KCNJ3: variants seen among roughly 807,000 people sequenced by gnomAD.
The protein encoded by KCNJ3 is G protein-activated inward rectifier potassium channel 1.
Under a neutral mutation model 39.2 loss-of-function variants are expected in KCNJ3, and 4 were observed. That is an observed-to-expected ratio of 0.10 (90% CI 0.05 to 0.23). KCNJ3 has a LOEUF of 0.23. KCNJ3 is among the 10% of genes least tolerant of loss of function. The probability of loss-of-function intolerance (pLI) is 1.00; values close to 1 mark genes in which losing one functional copy is unlikely to be tolerated. For missense variants in KCNJ3, 276 were observed against 634.9 expected, an observed-to-expected ratio of 0.43 and a Z score of 6.08; for synonymous variants, 230 against 237.4, an observed-to-expected ratio of 0.97 and a Z score of 0.29.
intron 2 of KCNJ3, among the ~76,000 whole-genome samples, chr2:154,792,923 A>G (rs201245425): frequency 1.3e-5 from 2 of 152,222 alleles, no homozygotes; most frequent in East Asian, 3.9e-4. Context: ...GTTTATCACA[A>G]ATCCCTAGGA....
At chr2:154,806,614 T>G (rs1218515670) in intron 2 of KCNJ3, among the ~76,000 whole-genome samples, 1 of 152,252 alleles carries the variant, frequency 6.6e-6, no homozygotes, top group East Asian at 1.9e-4. Flanking sequence ...CTAAGAGACC[T>G]GGAAGACTGC....
At chr2:154,800,196 A>G (rs1468563801) in intron 2 of KCNJ3, among the ~76,000 whole-genome samples, 6 of 152,018 alleles carry the variant, frequency 3.9e-5, no homozygotes, top group Non-Finnish European at 8.8e-5. Context: ...TAGGTTTGTG[A>G]CCTCTTTGCC....
At chr2:154,816,097 C>T (rs749423605) in intron 2 of KCNJ3, among the ~76,000 whole-genome samples, 5 of 152,028 alleles carry the variant, frequency 3.3e-5, no homozygotes, top group Non-Finnish European at 4.4e-5. Context: ...GTAGTAGATT[C>T]GCAAAACTGT....
intron 2 of KCNJ3, among the ~76,000 whole-genome samples, chr2:154,767,994 A>AG (rs2105193828): frequency 1.3e-5 from 2 of 152,224 alleles, no homozygotes; most frequent in South Asian, 4.1e-4. Flanking sequence ...TCTTTTGAGA[A>AG]TGTCTGTTTA....
intron 2 of KCNJ3, among the ~76,000 whole-genome samples, chr2:154,777,756 G>A (rs530354777): frequency 4.6e-5 from 7 of 151,954 alleles, no homozygotes; most frequent in Non-Finnish European, 7.4e-5. Flanking sequence ...AATGTTTTTC[G>A]CATAAACCTA....
At chr2:154,738,497 T>C (rs1351097528) in intron 2 of KCNJ3, among the ~76,000 whole-genome samples, 1 of 152,074 alleles carries the variant, frequency 6.6e-6, no homozygotes, top group Non-Finnish European at 1.5e-5. Context: ...TTATTTCACA[T>C]TGAATCCTAT....
chr2:154,816,683 G>T (rs901860307), intron 2 of KCNJ3, among the ~76,000 whole-genome samples: 1 of 152,080 alleles, frequency 6.6e-6, no homozygotes, highest in African/African-American at 2.4e-5. Flanking sequence ...GAAAATTTTT[G>T]AATACATCAG....
At chr2:154,849,056 A>G (rs1188759722) in intron 2 of KCNJ3, among the ~76,000 whole-genome samples, 2 of 152,152 alleles carry the variant, frequency 1.3e-5, no homozygotes, top group Non-Finnish European at 2.9e-5. Flanking sequence ...TAGAGAGATG[A>G]GATTAACAGC....
At position 154,837,494 on chromosome 2, in the gene KCNJ3, C is replaced by A. The variant is rs554972264; in HGVS notation, c.920-17233C>A. On this transcript the variant is annotated intron_variant, in intron 2 of 2. Transcript: ENST00000295101. ...ATATTCCTTTTATTTTTATTTGTGA[C>A]CCTCTGGAGTGGTGGTGAAGTAGAT... 1.1e-4 allele frequency among the ~76,000 whole-genome samples: 16 copies of A among 152,038 alleles called. No individual in the cohort carries two copies. The South Asian group carries it at 2.3e-3, about 22-fold the overall frequency.
At chr2:154,822,795 C>G (rs1687206734) in intron 2 of KCNJ3, among the ~76,000 whole-genome samples, 1 of 151,148 alleles carries the variant, frequency 6.6e-6, no homozygotes, top group Admixed American at 6.6e-5. Flanking sequence ...CACAGTATAC[C>G]AAAAATAGTT....
rs564806832 is a variant in KCNJ3 at position 154,837,341 on chromosome 2, G to A, written c.920-17386G>A. ...CTTGCCCCCTCACTAATCAATATAA[G>A]AAGCTCTTTGTATGGATGTTTCAAA... On this transcript the variant is annotated intron_variant, in intron 2 of 2. Transcript: ENST00000295101. Among the ~76,000 whole-genome samples the A allele has an allele frequency of 4.6e-5, 7 of 152,122 alleles. No individual in the cohort carries two copies. The East Asian group carries it at 7.7e-4, about 17-fold the overall frequency.
chr2:154,710,572 A>C (rs1368714193), intron 2 of KCNJ3, among the ~76,000 whole-genome samples: 1 of 152,046 alleles, frequency 6.6e-6, no homozygotes, highest in East Asian at 1.9e-4. Flanking sequence ...AAGCTACTGG[A>C]TGTTTGAGAT....
chr2:154,711,246 CAAG>C (rs1257236249), intron 2 of KCNJ3, among the ~76,000 whole-genome samples: 1 of 151,964 alleles, frequency 6.6e-6, no homozygotes, highest in Non-Finnish European at 1.5e-5. Flanking sequence ...GCTCGTAGTC[CAAG>C]AAATCTTTAC....
intron 2 of KCNJ3, among the ~76,000 whole-genome samples, chr2:154,832,594 T>C (rs1687382490): frequency 6.6e-6 from 1 of 152,096 alleles, no homozygotes; most frequent in Non-Finnish European, 1.5e-5. Flanking sequence ...ATTAAGAAAA[T>C]AATATGTATT....
chr2:154,720,699 G>C (rs531369411), intron 2 of KCNJ3, among the ~76,000 whole-genome samples: 15 of 152,224 alleles, frequency 9.9e-5, no homozygotes, highest in African/African-American at 3.6e-4. Context: ...GAATATGAGA[G>C]GGTAAGTGTG....
intron 2 of KCNJ3, among the ~76,000 whole-genome samples, chr2:154,711,826 T>A (rs1255048322): frequency 6.6e-6 from 1 of 152,040 alleles, no homozygotes; most frequent in Non-Finnish European, 1.5e-5. Context: ...TTGTAAAGAG[T>A]TTTATAACGT....
At position 154,850,008 on chromosome 2, in the gene KCNJ3, C is replaced by CTTTTTTTTTTTTTTTTTTTTTTTTTTTTT. The variant is rs373062062; in HGVS notation, c.920-4711_920-4683dup. On this transcript the variant is annotated intron_variant, in intron 2 of 2. Transcript: ENST00000295101. ...TTGCAATGCAATGTACAGAATAAAT[C>CTTTTTTTTTTTTTTTTTTTTTTTTTTTTT]TTTTTTTTTTTTTTTTTTTTTTTTT... Among the ~76,000 whole-genome samples the CTTTTTTTTTTTTTTTTTTTTTTTTTTTTT allele has an allele frequency of 1.4e-4, 7 of 48,838 alleles. 2 individuals carry two copies. The highest frequency in any genetic ancestry group is 9.4e-4 in the East Asian group (1 of 1,060). 32.0% of individuals were successfully genotyped at this position (48,838 alleles called of 152,430 possible).
At chr2:154,765,242 C>A (rs921203433) in intron 2 of KCNJ3, among the ~76,000 whole-genome samples, 5 of 152,158 alleles carry the variant, frequency 3.3e-5, no homozygotes, top group African/African-American at 1.2e-4. Context: ...GAGTTTACTG[C>A]AAATGTTACT....
At chr2:154,756,115 A>G (rs1253612638) in intron 2 of KCNJ3, among the ~76,000 whole-genome samples, 1 of 152,116 alleles carries the variant, frequency 6.6e-6, no homozygotes, top group African/African-American at 2.4e-5. Flanking sequence ...CATACTTATT[A>G]CATACTTTTT....
Sources: allele counts gnomAD v4.1 joint callset (sites outside exome capture counted in the v4.1 genomes callset), GRCh38; gene constraint gnomAD v4.1.1; transcripts MANE v1.5; gene names NCBI Gene and HGNC (gene_info 2026-07-23, HGNC 2026-07-21).